Variants in TAFAZZIN observed in about 807,000 individuals in gnomAD.
TAFAZZIN encodes protein G4.5.
TAFAZZIN carries 6 observed loss-of-function variants against 27.3 expected under a neutral mutation model. The observed-to-expected ratio is 0.22, with a 90% CI of 0.12 to 0.43. The LOEUF (loss-of-function observed/expected upper bound fraction) is 0.43, where lower values mean the gene tolerates loss of function less well. TAFAZZIN is among the 20% of genes least tolerant of loss of function. TAFAZZIN has a pLI of 1.00. For synonymous variants in TAFAZZIN, 79 were observed against 96.2 expected (o/e 0.82, Z 1.04); for missense variants, 127 against 244.5 (o/e 0.52, Z 3.21).
chrX:154,411,713 C>A lies in TAFAZZIN; in HGVS notation c.-131C>A, dbSNP rs2068298049. The A allele has an allele frequency of 3.3e-6, 2 of 612,205 alleles. No homozygotes were observed. Among genetic ancestry groups the A allele is most frequent in the Non-Finnish European group, 5.1e-6 (2 of 394,783 alleles). The allele number at this position is 612,205 out of a possible 1,213,427, so 50.5% of individuals were successfully genotyped here. On this transcript the variant is annotated 5_prime_UTR_variant, in exon 1 of 11. Transcript: ENST00000601016. Reference sequence around the variant, plus strand: ...GGGACCTCGGTCCAGTCCCCTGTTGCGCCGCGCCCCCGTCCGTCCGTGCGC... The same window carrying A: ...GGGACCTCGGTCCAGTCCCCTGTTGAGCCGCGCCCCCGTCCGTCCGTGCGC...
At chrX:154,419,677 A>G in intron 6 of TAFAZZIN, 28 bp from the exon 7 acceptor site, 1 of 1,212,302 alleles carries the variant, frequency 8.2e-7, no homozygotes, top group South Asian at 1.8e-5. Context: ...ATGGGCTCCC[A>G]AGCCTCGCCT....
intron 5 of TAFAZZIN, among the ~76,000 whole-genome samples, chrX:154,416,080 G>A (rs1350871228): frequency 7.5e-5 from 8 of 107,338 alleles, no homozygotes; most frequent in Admixed American, 2.0e-4. Context: ...CCAACATGGC[G>A]AAACCCCGTC....
Position 154,419,416 on chromosome X carries a change from C to T in TAFAZZIN, c.461-127C>T. The T allele has an allele frequency of 1.1e-5, 8 of 713,260 alleles. No individual in the cohort carries two copies. In the South Asian group the frequency reaches 1.8e-4, roughly 16 times the overall value. The allele number at this position is 713,260 out of a possible 1,213,427, so 58.8% of individuals were successfully genotyped here. ...CAAGCAGGGACTGAGGGGGATAGTC[C>T]CCAACACATGGGCCCCAGGGAGAAG... On this transcript the variant is annotated intron_variant, in intron 5 of 10. Transcript: ENST00000601016.
chrX:154,416,906 C>T (rs2068506047), intron 5 of TAFAZZIN, among the ~76,000 whole-genome samples: 1 of 111,134 alleles, frequency 9.0e-6, no homozygotes, highest in Non-Finnish European at 1.9e-5. Flanking sequence ...GAGGCCGAGG[C>T]GGGCGGATCA....
At chrX:154,413,656 G>T in intron 4 of TAFAZZIN, 89 bp downstream of exon 4, 1 of 971,307 alleles carries the variant, frequency 1.0e-6, no homozygotes, top group Non-Finnish European at 1.5e-6. Flanking sequence ...GACCTATGGG[G>T]GTAGGCATCC....
rs782728950 is a variant in TAFAZZIN at position 154,418,083 on chromosome X, ATAT to A, written c.461-1449_461-1447del. Among the ~76,000 whole-genome samples the A allele has an allele frequency of 1.2e-4, 13 of 112,245 alleles. No homozygotes were observed. The East Asian group carries it at 2.5e-3, about 22-fold the overall frequency. ...AATGATGAAGTCTTGCTCCAAAAGC[ATAT>A]TATTATTATTTTTTAAATTCCAGTT... On this transcript the variant is annotated intron_variant, in intron 5 of 10. Coordinates refer to ENST00000601016, the MANE Select transcript of TAFAZZIN (RefSeq NM_000116.5).
chrX:154,416,434 CAAA>C (rs1244460521), intron 5 of TAFAZZIN, among the ~76,000 whole-genome samples: 2 of 83,261 alleles, frequency 2.4e-5, no homozygotes, highest in Admixed American at 1.3e-4. Flanking sequence ...GACTCCGTCT[CAAA>C]AAAAAAAAAA....
intron 5 of TAFAZZIN, among the ~76,000 whole-genome samples, chrX:154,417,641 C>T (rs2068526351): frequency 8.9e-6 from 1 of 112,535 alleles, no homozygotes; most frequent in African/African-American, 3.2e-5. Flanking sequence ...TAATGGAAAG[C>T]TGCAGTGCCT....
intron 2 of TAFAZZIN, 52 bp from the exon 3 acceptor site, chrX:154,413,155 C>T (rs782560661): frequency 1.7e-6 from 2 of 1,203,550 alleles, no homozygotes; most frequent in East Asian, 3.0e-5. Flanking sequence ...GAAGGAAGGG[C>T]ACTCCCTGGG....
Position 154,420,082 on chromosome X carries a change from C to T in TAFAZZIN, c.634C>T (p.Leu212=), listed in dbSNP as rs587781186. The T allele has an allele frequency of 8.3e-7, 1 of 1,212,053 alleles. No individual in the cohort carries two copies. The highest frequency in any genetic ancestry group is 1.1e-6 in the Non-Finnish European group (1 of 895,497). The stretch of plus-strand genomic sequence containing the variant: ...TCATCTCAACCCCATCATCCTGCCC[C>T]TGTGGCATGTCGGTGAGCCTGGGGA... The part of the protein sequence containing the change: ...ECHLNPIILP[L]WHVGMNDVLP... Residue 212 remains leucine (L), a synonymous_variant, in exon 8 of 11, where the codon CTG becomes TTG. Transcript: ENST00000601016.
At position 154,412,322 on chromosome X, in the gene TAFAZZIN, A is replaced by G. The variant is rs1299371225; in HGVS notation, c.238+108A>G. The G allele has an allele frequency of 3.8e-6, 4 of 1,053,464 alleles. No individual in the cohort carries two copies. The African/African-American group carries it at 7.5e-5, about 20-fold the overall frequency. 86.8% of individuals were successfully genotyped at this position (1,053,464 alleles called of 1,213,427 possible). A position where few individuals can be genotyped will look rare whatever the true frequency, so the allele number is the denominator to read the frequency against. On this transcript the variant is annotated intron_variant, in intron 2 of 10. Transcript: ENST00000601016. ...CGCTGCCTTTTCATGGAGCCCTGGCACTCCGGTTTCCGGGCGTTCTGCCCC... is the reference window on the plus strand; with the variant it reads ...CGCTGCCTTTTCATGGAGCCCTGGCGCTCCGGTTTCCGGGCGTTCTGCCCC...
chrX:154,420,820 C>A (rs1290937755), intron 10 of TAFAZZIN, 83 bp from the exon 11 acceptor site: 2 of 1,180,426 alleles, frequency 1.7e-6, no homozygotes, highest in African/African-American at 1.8e-5. Flanking sequence ...CTCTCCATCC[C>A]GTCACCCTCC....
chrX:154,412,765 G>C, intron 2 of TAFAZZIN: 1 of 214,697 alleles, frequency 4.7e-6, no homozygotes, highest in Admixed American at 6.5e-5. Flanking sequence ...TGAACAGAGA[G>C]CTTAACTGTC....
rs957616767 is a variant in TAFAZZIN, at chrX:154,421,685, T to A, written c.*681T>A. 2 of 328,524 alleles carry A rather than the reference T, an allele frequency of 6.1e-6. No homozygotes were observed. Among genetic ancestry groups the A allele is most frequent in the African/African-American group, 5.3e-5 (2 of 37,829 alleles). The allele number at this position is 328,524 out of a possible 1,213,427, so 27.1% of individuals were successfully genotyped here. ...CCTAGGGCCTGGGTTTTCATGTTTT[T>A]GAAACAGAACCATAAAGCATATGTG... On this transcript the variant is annotated 3_prime_UTR_variant, in exon 11 of 11. Transcript: ENST00000601016.
At position 154,411,898 on chromosome X, in the gene TAFAZZIN, C is replaced by T. The variant is rs1327665804; in HGVS notation, c.55C>T (p.Leu19=). The T allele has an allele frequency of 8.3e-7, 1 of 1,206,217 alleles. No individual in the cohort carries two copies. Among genetic ancestry groups the T allele is most frequent in the Admixed American group, 2.2e-5 (1 of 45,853 alleles). ...CGCGGTGCCGCCGCTCACCTGGACC[C>T]TGGCCAGCAGCGTCGTCATGGGCTT... ...FPAVPPLTWT[L]ASSVVMGLVG... is the part of the protein sequence containing the mutation. Residue 19 remains leucine (L), a synonymous_variant, in exon 1 of 11, where the codon CTG becomes TTG. Transcript: ENST00000601016.
intron 7 of TAFAZZIN, 134 bp downstream of exon 7, chrX:154,419,880 G>C (rs2068579348): frequency 9.2e-7 from 1 of 1,086,882 alleles, no homozygotes; most frequent in Admixed American, 2.2e-5. Flanking sequence ...GAAGGGGACA[G>C]GTGCTGAGAC....
At chrX:154,415,796 G>A (rs782062895) in intron 5 of TAFAZZIN, among the ~76,000 whole-genome samples, 3 of 101,187 alleles carry the variant, frequency 3.0e-5, no homozygotes, top group Admixed American at 2.3e-4. Flanking sequence ...TGGGAGAATC[G>A]CTTGAACCCA....
At chrX:154,417,976 G>T (rs1241481216) in intron 5 of TAFAZZIN, among the ~76,000 whole-genome samples, 2 of 112,465 alleles carry the variant, frequency 1.8e-5, no homozygotes, top group African/African-American at 6.5e-5. Flanking sequence ...TCCAAGCGTA[G>T]ATTTTAATAT....
chrX:154,415,459 G>C lies in TAFAZZIN; in HGVS notation c.460+1269G>C, dbSNP rs2068456550. On this transcript the variant is annotated intron_variant, in intron 5 of 10. Transcript: ENST00000601016. ...GTATAGATAGATAGGTAGATAGATA[G>C]GTAGGTAGGTAGGTAGATAGATAGA... Among the ~76,000 whole-genome samples the C allele has an allele frequency of 1.8e-5, 2 of 111,220 alleles. 1 individual carries two copies. Among genetic ancestry groups the C allele is most frequent in the South Asian group, 7.5e-4 (2 of 2,677 alleles).
Sources: gnomAD v4.1 joint callset for allele counts (sites outside exome capture counted in the v4.1 genomes callset) on GRCh38, gnomAD v4.1.1 for gene constraint, MANE v1.5 for transcripts, NCBI Gene and HGNC (gene_info 2026-07-23, HGNC 2026-07-21) for gene names.